The following ARID5B variants were observed in gnomAD, a reference collection of about 807,000 sequenced individuals.
ARID5B encodes the protein AT-rich interactive domain-containing protein 5B.
Under a neutral mutation model 97.2 loss-of-function variants are expected in ARID5B, and 13 were observed. The ratio of observed to expected loss-of-function variants is 0.13; its 90% CI spans 0.09 to 0.21. The LOEUF is 0.21. Ranked by LOEUF, ARID5B falls within the 10% of genes least tolerant of loss-of-function variation. The probability of loss-of-function intolerance (pLI) is 1.00; values close to 1 mark genes in which losing one functional copy is unlikely to be tolerated. For missense variants in ARID5B, 1,210 were observed against 1,465.3 expected (o/e 0.83, Z 2.84); for synonymous variants, 556 against 570.3 (o/e 0.97, Z 0.36).
At chr10:62,016,866 C>T (rs1413012784) in intron 4 of ARID5B, among the ~76,000 whole-genome samples, 1 of 152,232 alleles carries the variant, frequency 6.6e-6, no homozygotes, top group Non-Finnish European at 1.5e-5. Flanking sequence ...CATATTTGAA[C>T]AGTATGCCTG....
intron 8 of ARID5B, among the ~76,000 whole-genome samples, chr10:62,075,434 G>A (rs9633534): frequency 0.33 from 50,036 of 152,104 alleles, 8,998 homozygotes; most frequent in Non-Finnish European, 0.41. Context: ...CTGATACAGC[G>A]CCCTGCAGTG....
rs199637139 is a variant in ARID5B, at chr10:62,092,165, C to A, written c.2702C>A (p.Thr901Lys). ...DKKSAAAEAPTDDQPTDLSLP... is the reference protein window; with the variant it reads ...DKKSAAAEAPKDDQPTDLSLP... Reference sequence around the variant, plus strand: ...AAGTCGGCGGCAGCAGAAGCCCCTACGGATGATCAGCCTACAGATCTGAGC... The same window carrying A: ...AAGTCGGCGGCAGCAGAAGCCCCTAAGGATGATCAGCCTACAGATCTGAGC... Residue 901 changes from threonine to lysine, a missense_variant, in exon 10 of 10, where the codon ACG becomes AAG. Transcript: ENST00000279873. 1.9e-6 allele frequency: 3 copies of A among 1,608,912 alleles called. No homozygotes were observed. The highest frequency in any genetic ancestry group is 2.5e-6 in the Non-Finnish European group (3 of 1,177,916).
chr10:61,988,372 A>C (rs186651915), intron 3 of ARID5B, among the ~76,000 whole-genome samples: 2 of 152,370 alleles, frequency 1.3e-5, no homozygotes, highest in African/African-American at 4.8e-5. Flanking sequence ...GTAGCTGGTT[A>C]CAGCAGAAGG....
intron 8 of ARID5B, among the ~76,000 whole-genome samples, chr10:62,072,702 T>C (rs1840080409): frequency 1.3e-5 from 2 of 152,260 alleles, no homozygotes; most frequent in Admixed American, 1.3e-4. Context: ...TGTGATCAGA[T>C]GCAACCGCTA....
chr10:61,918,524 A>G (rs758096016), intron 2 of ARID5B, among the ~76,000 whole-genome samples: 2 of 152,188 alleles, frequency 1.3e-5, no homozygotes, highest in Non-Finnish European at 2.9e-5. Context: ...CTCCTTAATA[A>G]CTAATTTATG....
chr10:61,989,141 G>C (rs1241440713), intron 3 of ARID5B, among the ~76,000 whole-genome samples: 2 of 151,958 alleles, frequency 1.3e-5, no homozygotes, highest in Non-Finnish European at 2.9e-5. Flanking sequence ...GTATTAGCCA[G>C]GATGGTCTCG....
At chr10:61,929,963 G>A (rs542774423) in intron 2 of ARID5B, among the ~76,000 whole-genome samples, 43 of 152,366 alleles carry the variant, frequency 2.8e-4, no homozygotes, top group African/African-American at 1.0e-3. Flanking sequence ...GGAAGGCTGT[G>A]CAGTTCCGCT....
chr10:62,016,391 A>G (rs1163800896), intron 4 of ARID5B, among the ~76,000 whole-genome samples: 3 of 152,244 alleles, frequency 2.0e-5, no homozygotes, highest in Non-Finnish European at 4.4e-5. Flanking sequence ...TATATGTGCC[A>G]CATTGCATAT....
intron 3 of ARID5B, among the ~76,000 whole-genome samples, chr10:61,940,828 T>G (rs1164905466): frequency 6.7e-6 from 1 of 149,020 alleles, no homozygotes; most frequent in Non-Finnish European, 1.5e-5. Context: ...TTCCTCAATG[T>G]GGAGCAAGAG....
chr10:61,966,541 T>C (rs1838547811), intron 3 of ARID5B, among the ~76,000 whole-genome samples: 1 of 152,140 alleles, frequency 6.6e-6, no homozygotes, highest in Non-Finnish European at 1.5e-5. Context: ...TTTTTTCACA[T>C]GCTCTGAATT....
rs199587188 is a variant in ARID5B, at chr10:61,947,261, C to CTTTTTTTTTTTT, written c.502+6867_502+6878dup. On this transcript the variant is annotated intron_variant, in intron 3 of 9. Coordinates refer to ENST00000279873, the MANE Select transcript of ARID5B (RefSeq NM_032199.3). ...ACCAGTATATCTTCTCACTTACTTT[C>CTTTTTTTTTTTT]TTTTTTTTTTTTTTTTTTTTTTTTT... Among the ~76,000 whole-genome samples, 360 of 124,208 alleles carry CTTTTTTTTTTTT rather than the reference C, an allele frequency of 2.9e-3. 24 individuals are homozygous for CTTTTTTTTTTTT. The highest frequency in any genetic ancestry group is 0.015 in the Middle Eastern group (3 of 202). The allele number at this position is 124,208 out of a possible 152,430, so 81.5% of individuals were successfully genotyped here.
chr10:62,049,194 G>T lies in ARID5B; in HGVS notation c.734-1694G>T. 3 of 1,291,992 alleles carry T rather than the reference G, an allele frequency of 2.3e-6. 1 individual carries two copies. In the South Asian group the frequency reaches 5.9e-5, roughly 26 times the overall value. 80.0% of individuals were successfully genotyped at this position (1,291,992 alleles called of 1,614,324 possible). ...CCGGATGAAATCACCATCTCCGTGC[G>T]GGGAGGTGGAGAGAGCAGAGCCCTC... On this transcript the variant is annotated intron_variant, in intron 4 of 9. Coordinates refer to ENST00000279873, the MANE Select transcript of ARID5B (RefSeq NM_032199.3).
intron 4 of ARID5B, among the ~76,000 whole-genome samples, chr10:62,036,825 G>A (rs1001281554): frequency 4.6e-5 from 7 of 152,176 alleles, no homozygotes; most frequent in East Asian, 1.9e-4. Context: ...GACTCTGGGC[G>A]AGTGGCAGGC....
chr10:61,918,494 T>A (rs1435183789), intron 2 of ARID5B, among the ~76,000 whole-genome samples: 1 of 152,216 alleles, frequency 6.6e-6, no homozygotes, highest in Non-Finnish European at 1.5e-5. Flanking sequence ...TTTGAAGTCT[T>A]AGTGCTAGGC....
chr10:62,084,399 A>G (rs1840254186), intron 8 of ARID5B, among the ~76,000 whole-genome samples: 1 of 152,244 alleles, frequency 6.6e-6, no homozygotes, highest in African/African-American at 2.4e-5. Context: ...TAGCAAACCA[A>G]TATCCAGACC....
intron 6 of ARID5B, among the ~76,000 whole-genome samples, chr10:62,057,930 A>G (rs538922721): frequency 4.9e-4 from 74 of 152,318 alleles, no homozygotes; most frequent in African/African-American, 1.7e-3. Context: ...ATCAAAAGAG[A>G]AGAAATCCAG....
chr10:62,072,313 A>ATGCAT (rs1840075955), intron 8 of ARID5B, among the ~76,000 whole-genome samples: 1 of 152,222 alleles, frequency 6.6e-6, no homozygotes, highest in African/African-American at 2.4e-5. Context: ...GCTGCTGTTA[A>ATGCAT]TGCATTGTGG....
intron 3 of ARID5B, among the ~76,000 whole-genome samples, chr10:61,952,132 A>T (rs1219214321): frequency 6.6e-6 from 1 of 152,156 alleles, no homozygotes; most frequent in African/African-American, 2.4e-5. Flanking sequence ...TCTTTGCCCT[A>T]GCCTAACTAG....
chr10:62,046,458 GT>G (rs1417545991), intron 4 of ARID5B, among the ~76,000 whole-genome samples: 1 of 152,116 alleles, frequency 6.6e-6, no homozygotes, highest in East Asian at 1.9e-4. Context: ...AAACAAACTT[GT>G]TTTGCTATAT....
Sources: allele counts gnomAD v4.1 joint callset (sites outside exome capture counted in the v4.1 genomes callset), GRCh38; gene constraint gnomAD v4.1.1; transcripts MANE v1.5; gene names NCBI Gene and HGNC (gene_info 2026-07-23, HGNC 2026-07-21).